Variants in GCM1 observed in about 807,000 individuals in gnomAD.
GCM1 encodes chorion-specific transcription factor GCMa.
GCM1 carries 2 observed loss-of-function variants against 25.7 expected under a neutral mutation model. The ratio of observed to expected loss-of-function variants is 0.08; its 90% CI spans 0.03 to 0.24. The LOEUF is 0.24. Among genes scored for constraint, GCM1 ranks in the 10% least tolerant of loss-of-function variants. GCM1 has a pLI of 1.00. For missense variants in GCM1, 395 were observed against 538.7 expected (o/e 0.73, Z 2.64); for synonymous variants, 183 against 195.7 (o/e 0.94, Z 0.54).
At chr6:53,139,976 G>A (rs1581853672) in intron 2 of GCM1, among the ~76,000 whole-genome samples, 1 of 152,022 alleles carries the variant, frequency 6.6e-6, no homozygotes, top group African/African-American at 2.4e-5. Context: ...TTCTCTTTTC[G>A]CTTCCCTTTT....
At chr6:53,141,376 G>A (rs1257962262) in intron 2 of GCM1, among the ~76,000 whole-genome samples, 1 of 152,186 alleles carries the variant, frequency 6.6e-6, no homozygotes, top group Non-Finnish European at 1.5e-5. Flanking sequence ...GATGCAACTG[G>A]TATTTGGGTA....
chr6:53,148,472 G>A (rs1010847471), intron 1 of GCM1, among the ~76,000 whole-genome samples: 7 of 152,078 alleles, frequency 4.6e-5, no homozygotes, highest in African/African-American at 1.7e-4. Context: ...TTTGCTAAGC[G>A]AATGAGCATT....
chr6:53,137,125 G>C (rs1763813446), intron 2 of GCM1, among the ~76,000 whole-genome samples: 1 of 152,202 alleles, frequency 6.6e-6, no homozygotes. Flanking sequence ...TGGGAAGGGG[G>C]AAGGGTATAA....
rs751985922 is a variant in GCM1 at position 53,130,797 on chromosome 6, G to A, written c.570+6C>T. 3 of 1,613,086 alleles carry A rather than the reference G, an allele frequency of 1.9e-6. No individual in the cohort carries two copies. Among genetic ancestry groups the A allele is most frequent in the Non-Finnish European group, 2.5e-6 (3 of 1,179,342 alleles). On this transcript the variant is annotated splice_donor_region_variant and intron_variant, in intron 5 of 5. Coordinates refer to ENST00000259803, the MANE Select transcript of GCM1 (RefSeq NM_003643.4). ...CATGTATTGAACATACATAATGAAG[G>A]ATTACCCTGGTCTCTGTGCTCCCCT... is the stretch of plus-strand genomic sequence containing the variant.
chr6:53,144,323 G>T (rs1695498119), intron 2 of GCM1, among the ~76,000 whole-genome samples: 1 of 151,660 alleles, frequency 6.6e-6, no homozygotes, highest in Admixed American at 6.6e-5. Context: ...TTCTAAGGAG[G>T]CTGAGGCAGG....
chr6:53,130,991 T>A, intron 4 of GCM1, 60 bp from the exon 5 acceptor site: 1 of 1,493,848 alleles, frequency 6.7e-7, no homozygotes, highest in Non-Finnish European at 9.3e-7. Flanking sequence ...CTGTGTTTCA[T>A]GGTGTATCAG....
At chr6:53,144,226 A>T (rs1763920834) in intron 2 of GCM1, among the ~76,000 whole-genome samples, 1 of 152,134 alleles carries the variant, frequency 6.6e-6, no homozygotes, top group African/African-American at 2.4e-5. Context: ...GTTTGAGACC[A>T]ACTTGGGCAA....
rs542206442 is a variant in GCM1, at chr6:53,127,718, A to G, written c.*488T>C. ...GAGTGGAGGAGAAGAAGCCAAAAAAATTACTCATGTGAAGAAAAAAGCCTT... is the reference window on the plus strand; with the variant it reads ...GAGTGGAGGAGAAGAAGCCAAAAAAGTTACTCATGTGAAGAAAAAAGCCTT... On this transcript the variant is annotated 3_prime_UTR_variant, in exon 6 of 6. Transcript: ENST00000259803. 2 of 152,856 alleles carry G rather than the reference A, an allele frequency of 1.3e-5. No homozygotes were observed. Among genetic ancestry groups the G allele is most frequent in the African/African-American group, 2.4e-5 (1 of 41,532 alleles). The allele number at this position is 152,856 out of a possible 1,614,324, so 9.5% of individuals were successfully genotyped here.
chr6:53,140,939 A>C (rs1224599585), intron 2 of GCM1, among the ~76,000 whole-genome samples: 1 of 152,212 alleles, frequency 6.6e-6, no homozygotes, highest in Non-Finnish European at 1.5e-5. Flanking sequence ...TGGATCAAGC[A>C]AACCTTAAAG....
chr6:53,133,940 A>T, intron 3 of GCM1, 132 bp downstream of exon 3: 1 of 876,550 alleles, frequency 1.1e-6, no homozygotes, highest in Non-Finnish European at 1.8e-6. Context: ...TCCATGTCAG[A>T]ACAGCCTTGG....
Position 53,134,247 on chromosome 6 carries a change from A to C in GCM1, c.153T>G (p.Asn51Lys). Reference sequence around the variant, plus strand: ...CCCAGCTGCTCAGGTGCCGCTGCGCATTCTTGTCCTCCGAGCTGTAGATGT... The same window carrying C: ...CCCAGCTGCTCAGGTGCCGCTGCGCCTTCTTGTCCTCCGAGCTGTAGATGT... ...AKHIYSSEDK[N>K]AQRHLSSWAM... Residue 51 changes from asparagine to lysine, a missense_variant, in exon 3 of 6, where the codon AAT becomes AAG. By Grantham distance (94) the Asn-to-Lys change is moderately conservative. Around this residue, in one of 5 missense-constraint regions of GCM1, gnomAD observed 44 missense variants for 60.8 expected, o/e 0.72. Transcript: ENST00000259803. 1 of 1,614,114 alleles carries C rather than the reference A, an allele frequency of 6.2e-7. No individual in the cohort carries two copies. The highest frequency in any genetic ancestry group is 8.5e-7 in the Non-Finnish European group (1 of 1,180,006).
At chr6:53,146,216 A>ATATATAT (rs1208975722) in intron 1 of GCM1, among the ~76,000 whole-genome samples, 2 of 101,400 alleles carry the variant, frequency 2.0e-5, no homozygotes, top group African/African-American at 6.3e-5. Flanking sequence ...ATATATATAT[A>ATATATAT]TTTTTTTTTT....
chr6:53,144,839 C>T (rs919316485), intron 2 of GCM1, among the ~76,000 whole-genome samples: 5 of 148,074 alleles, frequency 3.4e-5, no homozygotes, highest in South Asian at 2.1e-4. Context: ...CACTTGAACT[C>T]GGGAGGCTGA....
At chr6:53,143,822 C>T (rs909416914) in intron 2 of GCM1, among the ~76,000 whole-genome samples, 2 of 19,214 alleles carry the variant, frequency 1.0e-4, no homozygotes, top group Admixed American at 8.4e-4. Flanking sequence ...GATGTGGGGT[C>T]GGGGGTGGTG....
rs2518573 is a variant in GCM1 at position 53,134,058 on chromosome 6, T to A, written c.328+14A>T. On this transcript the variant is annotated intron_variant, in intron 3 of 5. Coordinates refer to ENST00000259803, the MANE Select transcript of GCM1 (RefSeq NM_003643.4). ...ATGCCAGCTTTTTTGCTGGTGCCAC[T>A]AAGCTCTACTCACGCTGCTGCTTCT... 5.0e-6 allele frequency: 8 copies of A among 1,609,132 alleles called. No individual in the cohort carries two copies. The highest frequency in any genetic ancestry group is 4.4e-5 in the South Asian group (4 of 90,984).
At chr6:53,136,664 G>A (rs1763803428) in intron 2 of GCM1, among the ~76,000 whole-genome samples, 1 of 152,138 alleles carries the variant, frequency 6.6e-6, no homozygotes, top group Non-Finnish European at 1.5e-5. Flanking sequence ...ACCTTGCCAA[G>A]CCAAATGCAA....
intron 2 of GCM1, among the ~76,000 whole-genome samples, chr6:53,142,496 C>T (rs867993179): frequency 3.3e-5 from 5 of 152,142 alleles, no homozygotes; most frequent in African/African-American, 7.2e-5. Context: ...TCTTTCTTCA[C>T]AGTACCTATT....
At chr6:53,140,324 C>T (rs957062061) in intron 2 of GCM1, among the ~76,000 whole-genome samples, 1 of 152,140 alleles carries the variant, frequency 6.6e-6, no homozygotes, top group Admixed American at 6.5e-5. Flanking sequence ...CTGAGTACTA[C>T]AACTGGCTTG....
intron 2 of GCM1, among the ~76,000 whole-genome samples, chr6:53,139,031 T>C (rs1055306007): frequency 6.6e-6 from 1 of 152,204 alleles, no homozygotes; most frequent in African/African-American, 2.4e-5. Flanking sequence ...CATATGATCA[T>C]ATTATGAAAT....
Sources: gnomAD v4.1 joint callset for allele counts (sites outside exome capture counted in the v4.1 genomes callset) on GRCh38, gnomAD v4.1.1 for gene constraint, gnomAD v4.1.1 regional missense constraint, MANE v1.5 for transcripts, NCBI Gene and HGNC (gene_info 2026-07-23, HGNC 2026-07-21) for gene names.